Variants in PHACTR1 observed in about 807,000 individuals in gnomAD.
PHACTR1 encodes RPEL repeat containing 1.
A neutral mutation model predicts 69.2 loss-of-function variants in PHACTR1; 16 were observed. That is an observed-to-expected ratio of 0.23 (90% CI 0.16 to 0.35). The LOEUF is 0.35. Ranked by LOEUF, PHACTR1 falls within the 10% of genes least tolerant of loss-of-function variation. The probability of loss-of-function intolerance (pLI) is 1.00; values close to 1 mark genes in which losing one functional copy is unlikely to be tolerated. For synonymous variants in PHACTR1, 312 were observed against 284.5 expected (o/e 1.10, Z -0.97); for missense variants, 510 against 734.7 (o/e 0.69, Z 3.54).
Position 12,738,611 on chromosome 6 carries a change from C to T in PHACTR1, c.104-11033C>T, listed in dbSNP as rs1176443306. 3.3e-5 allele frequency among the ~76,000 whole-genome samples: 5 copies of T among 152,262 alleles called. No individual in the cohort carries two copies. The South Asian group carries it at 6.2e-4, about 19-fold the overall frequency. ...GGCATGGTGGCTCACTCCTGTAATC[C>T]TAGCACTTTGGGAGGCCGAGGCAGG... On this transcript the variant is annotated intron_variant, in intron 3 of 14. Coordinates refer to ENST00000332995, the MANE Select transcript of PHACTR1 (RefSeq NM_030948.6).
At chr6:12,993,584 C>T (rs955161045) in intron 4 of PHACTR1, among the ~76,000 whole-genome samples, 1 of 152,162 alleles carries the variant, frequency 6.6e-6, no homozygotes, top group Non-Finnish European at 1.5e-5. Flanking sequence ...AGGGAAGCCT[C>T]CTCGAAGTCC....
chr6:13,160,168 C>T, intron 5 of PHACTR1, 36 bp from the exon 6 acceptor site: 2 of 1,577,562 alleles, frequency 1.3e-6, no homozygotes, highest in Non-Finnish European at 1.7e-6. Context: ...TTGTTACCTA[C>T]TCACATCTGC....
At chr6:12,819,710 C>T (rs992284505) in intron 4 of PHACTR1, among the ~76,000 whole-genome samples, 3 of 151,956 alleles carry the variant, frequency 2.0e-5, no homozygotes, top group Non-Finnish European at 2.9e-5. Context: ...TATTTTTAGC[C>T]TCAAAAAGGC....
intron 4 of PHACTR1, among the ~76,000 whole-genome samples, chr6:12,934,426 G>T (rs1789218419): frequency 6.6e-6 from 1 of 152,202 alleles, no homozygotes. Flanking sequence ...ACCCATGTCA[G>T]TGTGTAAAAT....
chr6:13,230,649 A>T (rs1770739604), intron 10 of PHACTR1, among the ~76,000 whole-genome samples: 1 of 152,264 alleles, frequency 6.6e-6, no homozygotes, highest in African/African-American at 2.4e-5. Context: ...AAATCTTGGA[A>T]AATTCACTTG....
chr6:13,013,796 CGGGGCGG>C (rs982256240), intron 4 of PHACTR1, among the ~76,000 whole-genome samples: 3 of 148,932 alleles, frequency 2.0e-5, no homozygotes, highest in Non-Finnish European at 3.0e-5. Flanking sequence ...CCGGCGCGGG[CGGGGCGG>C]GGGCATGCTG....
At chr6:13,198,085 C>T (rs777930505) in intron 7 of PHACTR1, among the ~76,000 whole-genome samples, 37 of 152,312 alleles carry the variant, frequency 2.4e-4, no homozygotes, top group Non-Finnish European at 1.8e-4. Flanking sequence ...CACCTTTTCC[C>T]GTTGCCCTGA....
chr6:13,064,821 A>G (rs1163722228), intron 5 of PHACTR1, among the ~76,000 whole-genome samples: 1 of 150,846 alleles, frequency 6.6e-6, no homozygotes, highest in Non-Finnish European at 1.5e-5. Flanking sequence ...GGCTCAAGGA[A>G]CGCAAAAAGT....
chr6:13,188,626 A>T (rs1312264868), intron 7 of PHACTR1, among the ~76,000 whole-genome samples: 2 of 152,212 alleles, frequency 1.3e-5, no homozygotes, highest in South Asian at 4.1e-4. Context: ...AAATACCTCT[A>T]CCGTGGCGTT....
intron 4 of PHACTR1, among the ~76,000 whole-genome samples, chr6:12,987,916 C>T (rs1369780201): frequency 2.0e-5 from 3 of 152,186 alleles, no homozygotes; most frequent in Non-Finnish European, 4.4e-5. Flanking sequence ...CCCACTATGA[C>T]TGCATGGATG....
At chr6:12,993,770 T>C (rs928154948) in intron 4 of PHACTR1, among the ~76,000 whole-genome samples, 6 of 152,188 alleles carry the variant, frequency 3.9e-5, no homozygotes, top group African/African-American at 7.2e-5. Flanking sequence ...CCCAGAGGAT[T>C]TGGGAATCCT....
intron 4 of PHACTR1, among the ~76,000 whole-genome samples, chr6:13,034,061 G>A (rs1802890983): frequency 2.0e-5 from 3 of 150,944 alleles, no homozygotes; most frequent in Admixed American, 2.0e-4. Flanking sequence ...TGTCGCCCAT[G>A]CTTGGAGTGC....
In PHACTR1 at chr6:12,984,936, C is replaced by T. The variant is rs1795958117; in HGVS notation, c.251-68429C>T. ...ACAAAATCTGAGCAAGACCAAATGA[C>T]TAAAATAGTTATTTTGAGTTTGAAA... On this transcript the variant is annotated intron_variant, in intron 4 of 14. Transcript: ENST00000332995. 1.3e-5 allele frequency among the ~76,000 whole-genome samples: 2 copies of T among 152,302 alleles called. 1 individual carries two copies. Among genetic ancestry groups the T allele is most frequent in the South Asian group, 4.1e-4 (2 of 4,826 alleles).
At chr6:13,038,478 T>C (rs1407590278) in intron 4 of PHACTR1, among the ~76,000 whole-genome samples, 1 of 144,822 alleles carries the variant, frequency 6.9e-6, no homozygotes, top group African/African-American at 2.6e-5. Flanking sequence ...TGCATGAGTG[T>C]TCAAGTGTTT....
intron 3 of PHACTR1, among the ~76,000 whole-genome samples, chr6:12,725,652 A>G (rs553987068): frequency 6.6e-6 from 1 of 152,342 alleles, no homozygotes; most frequent in Non-Finnish European, 1.5e-5. Flanking sequence ...GTATGCCTAT[A>G]AAGTGTCTAG....
chr6:13,239,708 G>A (rs1584166786), intron 10 of PHACTR1, among the ~76,000 whole-genome samples: 1 of 152,184 alleles, frequency 6.6e-6, no homozygotes, highest in Non-Finnish European at 1.5e-5. Flanking sequence ...GATCTGCATG[G>A]CCTCTTGCCC....
chr6:12,894,870 A>G (rs1452899743), intron 4 of PHACTR1, among the ~76,000 whole-genome samples: 1 of 152,204 alleles, frequency 6.6e-6, no homozygotes, highest in Admixed American at 6.5e-5. Flanking sequence ...ATCTTGATTA[A>G]TATTTTAATG....
chr6:13,233,788 G>C (rs568462164), intron 10 of PHACTR1, among the ~76,000 whole-genome samples: 10 of 152,288 alleles, frequency 6.6e-5, no homozygotes, highest in African/African-American at 2.4e-4. Context: ...ACATCAACTA[G>C]GGACAGAAAG....
intron 5 of PHACTR1, among the ~76,000 whole-genome samples, chr6:13,090,157 C>A (rs1813009219): frequency 6.6e-6 from 1 of 152,140 alleles, no homozygotes; most frequent in African/African-American, 2.4e-5. Context: ...TGTGTTCAAG[C>A]AGTTCTCCTG....
Sources: allele counts gnomAD v4.1 joint callset (sites outside exome capture counted in the v4.1 genomes callset), GRCh38; gene constraint gnomAD v4.1.1; transcripts MANE v1.5; gene names NCBI Gene and HGNC (gene_info 2026-07-23, HGNC 2026-07-21).